The following SEC31A variants were observed in gnomAD, a reference collection of about 807,000 sequenced individuals.
SEC31A encodes the protein protein transport protein Sec31A.
In SEC31A, 70 loss-of-function variants were observed where a neutral mutation model predicts 151.0. That is an observed-to-expected ratio of 0.46 (90% CI 0.38 to 0.57). The LOEUF (loss-of-function observed/expected upper bound fraction) is 0.57, where lower values mean the gene tolerates loss of function less well. SEC31A is among the 20% of genes least tolerant of loss of function. The pLI is 0.00. For synonymous variants in SEC31A, 475 were observed against 505.9 expected (o/e 0.94, Z 0.82); for missense variants, 1,330 against 1,471.2 (o/e 0.90, Z 1.57).
At chr4:82,867,897 T>C (rs1001114326) in intron 8 of SEC31A, among the ~76,000 whole-genome samples, 10 of 152,240 alleles carry the variant, frequency 6.6e-5, no homozygotes, top group African/African-American at 2.2e-4. Context: ...CCTCCCAAAG[T>C]GCTGGGATTA....
intron 10 of SEC31A, among the ~76,000 whole-genome samples, chr4:82,865,583 T>TATATAC (rs1560638362): frequency 2.0e-4 from 20 of 99,722 alleles, no homozygotes; most frequent in South Asian, 6.5e-4. Flanking sequence ...TATATATATA[T>TATATAC]ACAATGCAAT....
intron 4 of SEC31A, among the ~76,000 whole-genome samples, chr4:82,878,404 G>C (rs973803421): frequency 6.6e-6 from 1 of 152,178 alleles, no homozygotes; most frequent in Non-Finnish European, 1.5e-5. Context: ...TGAGGCAGGA[G>C]AATCACTTGA....
At chr4:82,878,308 A>G (rs1738466423) in intron 4 of SEC31A, among the ~76,000 whole-genome samples, 1 of 152,048 alleles carries the variant, frequency 6.6e-6, no homozygotes, top group African/African-American at 2.4e-5. Context: ...ATTCTGGCCA[A>G]CATGGTGAAA....
chr4:82,823,773 A>G (rs1723944683), intron 25 of SEC31A, among the ~76,000 whole-genome samples: 2 of 152,252 alleles, frequency 1.3e-5, no homozygotes, highest in South Asian at 4.1e-4. Flanking sequence ...AAGATGATCT[A>G]TCTACTTTTA....
Position 82,857,775 on chromosome 4 carries a change from GA to G in SEC31A, c.1627-12del, listed in dbSNP as rs1733007577. 2.6e-6 allele frequency: 4 copies of G among 1,533,424 alleles called. No individual in the cohort carries two copies. The African/African-American group carries it at 5.5e-5, about 21-fold the overall frequency. The allele number at this position is 1,533,424 out of a possible 1,614,324, so 95.0% of individuals were successfully genotyped here. ...TTCCTCTTTAATGTGCTAAAGAGATGAAAAAAGCAACAATTTAGCCAGAATA... is the reference window on the plus strand; with the variant it reads ...TTCCTCTTTAATGTGCTAAAGAGATGAAAAAGCAACAATTTAGCCAGAATA... On this transcript the variant is annotated splice_polypyrimidine_tract_variant and intron_variant, in intron 14 of 26. Transcript: ENST00000395310.
intron 24 of SEC31A, among the ~76,000 whole-genome samples, chr4:82,826,962 C>G (rs1406281029): frequency 3.3e-5 from 5 of 152,212 alleles, no homozygotes. Flanking sequence ...TTATCTCTAT[C>G]TGATGATAAG....
chr4:82,899,975 A>G (rs1720244229), intron 2 of SEC31A: 1 of 152,290 alleles, frequency 6.6e-6, no homozygotes, highest in Non-Finnish European at 1.5e-5. Context: ...TCTAAGCTCT[A>G]TCTCCTGAAA....
rs114435636 is a variant in SEC31A at position 82,874,477 on chromosome 4, C to G, written c.639+134G>C. The G allele has an allele frequency of 1.9e-3, 1,544 of 819,074 alleles. 4 individuals are homozygous for G. Among genetic ancestry groups the G allele is most frequent in the Non-Finnish European group, 2.5e-3 (1,354 of 548,874 alleles). 50.7% of individuals were successfully genotyped at this position (819,074 alleles called of 1,614,324 possible). On this transcript the variant is annotated intron_variant, in intron 6 of 26. Transcript: ENST00000395310. ...GAGGAAAAAAAACAAAACATTCCTT[C>G]TAACATGACTGATTAATAAAAAAAC...
intron 6 of SEC31A, among the ~76,000 whole-genome samples, chr4:82,873,728 A>T (rs1737284482): frequency 6.6e-6 from 1 of 152,192 alleles, no homozygotes; most frequent in Non-Finnish European, 1.5e-5. Flanking sequence ...AAAATGTCAA[A>T]CTATCCAATG....
chr4:82,848,136 G>C (rs1234656477), intron 20 of SEC31A, among the ~76,000 whole-genome samples: 2 of 151,724 alleles, frequency 1.3e-5, no homozygotes, highest in Non-Finnish European at 2.9e-5. Context: ...AAGGTTATCT[G>C]CTGGTCTGGA....
intron 4 of SEC31A, among the ~76,000 whole-genome samples, chr4:82,877,083 G>C (rs1327505907): frequency 6.6e-6 from 1 of 151,928 alleles, no homozygotes; most frequent in African/African-American, 2.4e-5. Context: ...ACAAAAATTA[G>C]CCAGGTGTTG....
intron 1 of SEC31A, 44 bp downstream of exon 1, chr4:82,891,044 C>T (rs1376306277): frequency 6.5e-7 from 1 of 1,535,640 alleles, no homozygotes; most frequent in South Asian, 1.2e-5. Context: ...TACCTCAAAG[C>T]TTAAGGACCG....
chr4:82,888,651 T>A (rs1343729443), intron 1 of SEC31A, among the ~76,000 whole-genome samples: 2 of 151,460 alleles, frequency 1.3e-5, no homozygotes, highest in Admixed American at 6.6e-5. Context: ...ATCGCGCCAA[T>A]GTACTCCAGC....
chr4:82,890,950 G>A (rs1719605046), intron 1 of SEC31A, 138 bp downstream of exon 1: 1 of 1,444,656 alleles, frequency 6.9e-7, no homozygotes, highest in Non-Finnish European at 9.1e-7. Flanking sequence ...CAAGACTAGG[G>A]GCGCGCCGTC....
At chr4:82,890,011 T>G (rs1250450456) in intron 1 of SEC31A, among the ~76,000 whole-genome samples, 1 of 151,950 alleles carries the variant, frequency 6.6e-6, no homozygotes, top group Admixed American at 6.6e-5. Flanking sequence ...GCGGATCACT[T>G]GAGGTCAGGA....
rs780548665 is a variant in SEC31A, at chr4:82,848,988, T to C, written c.2329-11A>G. The C allele has an allele frequency of 3.7e-6, 6 of 1,610,112 alleles. No individual in the cohort carries two copies. Among genetic ancestry groups the C allele is most frequent in the Admixed American group, 1.7e-5 (1 of 59,196 alleles). On this transcript the variant is annotated splice_polypyrimidine_tract_variant and intron_variant, in intron 19 of 26. Coordinates refer to ENST00000395310, the MANE Select transcript of SEC31A (RefSeq NM_001077207.4). ...CTGCATGATATTTGGCTAAAAAGGATTGGAAAAACAGCAGACTGTTGAGAG... is the reference window on the plus strand; with the variant it reads ...CTGCATGATATTTGGCTAAAAAGGACTGGAAAAACAGCAGACTGTTGAGAG...
At chr4:82,843,505 C>T (rs1298120285) in intron 21 of SEC31A, among the ~76,000 whole-genome samples, 1 of 152,062 alleles carries the variant, frequency 6.6e-6, no homozygotes, top group Non-Finnish European at 1.5e-5. Flanking sequence ...GTATGAACCT[C>T]GATAGAGTGA....
chr4:82,829,070 A>G lies in SEC31A; in HGVS notation c.2969-12T>C, dbSNP rs535756046. The G allele has an allele frequency of 6.2e-7, 1 of 1,607,112 alleles. No homozygotes were observed. The highest frequency in any genetic ancestry group is 2.2e-5 in the East Asian group (1 of 44,832). ...ACCATTCTGAGGACCTATAACAGAT[A>G]ACAGAGAATGTTTTCCTTTAGAATC... On this transcript the variant is annotated splice_polypyrimidine_tract_variant and intron_variant, in intron 22 of 26. Coordinates refer to ENST00000395310, the MANE Select transcript of SEC31A (RefSeq NM_001077207.4).
Position 82,878,789 on chromosome 4 carries a change from T to G in SEC31A, c.343A>C (p.Ile115Leu). 20 of 1,614,156 alleles carry G rather than the reference T, an allele frequency of 1.2e-5. No individual in the cohort carries two copies. The highest frequency in any genetic ancestry group is 1.7e-5 in the Non-Finnish European group (20 of 1,180,002). Residue 115 changes from isoleucine to leucine, a missense_variant, in exon 4 of 27, where the codon ATT (isoleucine) becomes CTT (leucine). By Grantham distance (5) the Ile-to-Leu change is conservative. Coordinates refer to ENST00000395310, the MANE Select transcript of SEC31A (RefSeq NM_001077207.4). ...KIIAGDKEVV[I>L]AQNDKHTGPV... The stretch of plus-strand genomic sequence containing the variant: ...CCAGTATGCTTGTCATTCTGGGCAA[T>G]CACAACTTCCTTGTCTCCAGCTATA...
Sources: gnomAD v4.1 joint callset for allele counts (sites outside exome capture counted in the v4.1 genomes callset) on GRCh38, gnomAD v4.1.1 for gene constraint, MANE v1.5 for transcripts, NCBI Gene and HGNC (gene_info 2026-07-23, HGNC 2026-07-21) for gene names.